The following PCDHGB1 variants were observed in gnomAD, a reference collection of about 807,000 sequenced individuals.
PCDHGB1 encodes the protein protocadherin gamma-B1.
Under a neutral mutation model 56.6 loss-of-function variants are expected in PCDHGB1, and 34 were observed. The ratio of observed to expected loss-of-function variants is 0.60; its 90% confidence interval spans 0.46 to 0.80. The LOEUF (loss-of-function observed/expected upper bound fraction) is 0.80, where lower values mean the gene tolerates loss of function less well. PCDHGB1 is among the 30% of genes least tolerant of loss of function. PCDHGB1 has a pLI of 0.00. For missense variants in PCDHGB1, 1,278 were observed against 1,204.6 expected, an observed-to-expected ratio of 1.06 and a Z score of -0.90; for synonymous variants, 561 against 505.9, an observed-to-expected ratio of 1.11 and a Z score of -1.46.
intron 1 of PCDHGB1, among the ~76,000 whole-genome samples, chr5:141,353,714 T>C (rs1759366304): frequency 6.6e-6 from 1 of 152,272 alleles, no homozygotes; most frequent in Non-Finnish European, 1.5e-5. Flanking sequence ...GTTTCTTTAG[T>C]GTAGATTTCT....
chr5:141,476,357 C>T lies in PCDHGB1; in HGVS notation c.2410-18450C>T. On this transcript the variant is annotated intron_variant, in intron 1 of 3. Transcript: ENST00000523390. The surrounding 1 kb of genome is among the most constrained non-coding windows in gnomAD (Gnocchi z 7.6). ...TAGCCGAAGATTCTTTGAGGTGAAC[C>T]GGGAGACCGGAGAGATGTTTGTGAA... The T allele has an allele frequency of 6.2e-7, 1 of 1,614,052 alleles. No individual in the cohort carries two copies. The highest frequency in any genetic ancestry group is 2.2e-5 in the East Asian group (1 of 44,854).
At chr5:141,422,074 C>A (rs886758924) in intron 1 of PCDHGB1, 1 of 1,612,264 alleles carries the variant, frequency 6.2e-7, no homozygotes, top group African/African-American at 1.3e-5. Flanking sequence ...GTATTCATTT[C>A]GGAACATGGA....
intron 1 of PCDHGB1, chr5:141,375,695 G>A (rs540188136): frequency 3.1e-6 from 5 of 1,614,132 alleles, no homozygotes; most frequent in Middle Eastern, 1.6e-4. Flanking sequence ...CAGCGACAGC[G>A]GGGACCCGCC....
intron 1 of PCDHGB1, among the ~76,000 whole-genome samples, chr5:141,492,622 C>A (rs2099742615): frequency 6.6e-6 from 1 of 152,218 alleles, no homozygotes; most frequent in South Asian, 2.1e-4. Flanking sequence ...GCCGGGCGGG[C>A]AGGACTCTAC....
At chr5:141,394,016 T>C in intron 1 of PCDHGB1, 1 of 1,613,452 alleles carries the variant, frequency 6.2e-7, no homozygotes, top group Non-Finnish European at 8.5e-7. Context: ...TAGGTAATTA[T>C]TATAGATTAG....
Position 141,432,503 on chromosome 5 carries a change from G to A in PCDHGB1, c.2410-62304G>A, listed in dbSNP as rs939325676. On this transcript the variant is annotated intron_variant, in intron 1 of 3. Transcript: ENST00000523390. This position sits in a 1 kb window ranked among gnomAD's most constrained non-coding sequence, Gnocchi z 6.0. ...TGGCGTGGAGCTGGCTCCCCGCTCC[G>A]CAGAGCCCGGCTACCTGGTGACCAA... 5 of 1,613,988 alleles carry A rather than the reference G, an allele frequency of 3.1e-6. No individual in the cohort carries two copies. Among genetic ancestry groups the A allele is most frequent in the Non-Finnish European group, 2.5e-6 (3 of 1,180,038 alleles).
chr5:141,366,652 C>G lies in PCDHGB1; in HGVS notation c.2409+13983C>G, dbSNP rs559344872. The G allele has an allele frequency of 1.9e-6, 3 of 1,614,282 alleles. No individual in the cohort carries two copies. In the African/African-American group the frequency reaches 4.0e-5, roughly 22 times the overall value. ...GTCACCTGATCTTTCCCCAGCCCAA[C>G]TACGCAGACACGCTCCTTAGTGAAG... On this transcript the variant is annotated intron_variant, in intron 1 of 3. Transcript: ENST00000523390.
chr5:141,491,361 C>T lies in PCDHGB1; in HGVS notation c.2410-3446C>T. 1 of 1,614,132 alleles carries T rather than the reference C, an allele frequency of 6.2e-7. No homozygotes were observed. The highest frequency in any genetic ancestry group is 8.5e-7 in the Non-Finnish European group (1 of 1,179,982). ...CGACCGTCAGTCTCTTATCCCTAGT[C>T]ACCTTCACCTTTCTGTCAGCGAAGT... On this transcript the variant is annotated intron_variant, in intron 1 of 3. Transcript: ENST00000523390. The surrounding 1 kb of genome is among the most constrained non-coding windows in gnomAD (Gnocchi z 6.9).
intron 1 of PCDHGB1, chr5:141,471,533 G>C (rs921328911): frequency 1.3e-5 from 2 of 152,234 alleles, no homozygotes. Context: ...AGGAAGCTAT[G>C]ATAGCATTTA....
At chr5:141,448,200 T>C (rs2098574351) in intron 1 of PCDHGB1, among the ~76,000 whole-genome samples, 1 of 152,156 alleles carries the variant, frequency 6.6e-6, no homozygotes, top group Non-Finnish European at 1.5e-5. Context: ...CTTACAAACA[T>C]TTTCTGTGTG....
In PCDHGB1 at chr5:141,355,188, C is replaced by T. The variant is rs779562339; in HGVS notation, c.2409+2519C>T. On this transcript the variant is annotated intron_variant, in intron 1 of 3. Coordinates refer to ENST00000523390, the MANE Select transcript of PCDHGB1 (RefSeq NM_018922.3). ...GAAAACCGAAGCACAGGCGACTCCG[C>T]GGCGGGGTTGTAATGGCGGCGCCTC... 35 of 1,589,838 alleles carry T rather than the reference C, an allele frequency of 2.2e-5. No homozygotes were observed. In the Admixed American group the frequency reaches 2.3e-4, roughly 10 times the overall value.
chr5:141,410,849 CTTTTTTTTT>C (rs759346998), intron 1 of PCDHGB1: 2 of 136,714 alleles, frequency 1.5e-5, no homozygotes, highest in African/African-American at 6.3e-5. Context: ...TTGTCTTTGT[CTTTTTTTTT>C]TTTTTTTTTT....
At chr5:141,478,189 C>T (rs774322691) in intron 1 of PCDHGB1, 1 of 1,614,020 alleles carries the variant, frequency 6.2e-7, no homozygotes, top group South Asian at 1.1e-5. Context: ...AAAATCTCAC[C>T]TTTTATCTAC....
rs1195826961 is a variant in PCDHGB1, at chr5:141,350,170, G to A, written c.-91G>A. The A allele has an allele frequency of 3.2e-6, 4 of 1,240,960 alleles. No individual in the cohort carries two copies. In the African/African-American group the frequency reaches 6.1e-5, roughly 19 times the overall value. The allele number at this position is 1,240,960 out of a possible 1,614,324, so 76.9% of individuals were successfully genotyped here. ...TCACCCTCGAGCGCCTAACTAATAA[G>A]TCCTAAGCTCAAATCACAGAAGTCC... is the stretch of plus-strand genomic sequence containing the variant. On this transcript the variant is annotated 5_prime_UTR_variant, in exon 1 of 4. Coordinates refer to ENST00000523390, the MANE Select transcript of PCDHGB1 (RefSeq NM_018922.3).
intron 2 of PCDHGB1, among the ~76,000 whole-genome samples, chr5:141,504,288 G>GT (rs1175142876): frequency 6.6e-6 from 1 of 152,124 alleles, no homozygotes; most frequent in African/African-American, 2.4e-5. Context: ...ATCATTTCAT[G>GT]TTTTTTCAAC....
intron 3 of PCDHGB1, 79 bp downstream of exon 3, chr5:141,505,560 G>A: frequency 6.2e-7 from 1 of 1,604,768 alleles, no homozygotes; most frequent in South Asian, 1.1e-5. Context: ...CATGCCCACG[G>A]ACTGGATGTC....
Position 141,432,602 on chromosome 5 carries a change from G to A in PCDHGB1, c.2410-62205G>A. The A allele has an allele frequency of 6.2e-7, 1 of 1,613,966 alleles. No homozygotes were observed. Among genetic ancestry groups the A allele is most frequent in the Non-Finnish European group, 8.5e-7 (1 of 1,179,972 alleles). On this transcript the variant is annotated intron_variant, in intron 1 of 3. Transcript: ENST00000523390. This position sits in a 1 kb window ranked among gnomAD's most constrained non-coding sequence, Gnocchi z 6.0. ...CCGTCTGCTCAAGGCCAGCGAGCCG[G>A]GACTCTTCTCGGTGGGTCTGCACAC...
intron 1 of PCDHGB1, among the ~76,000 whole-genome samples, chr5:141,471,120 C>T (rs560582806): frequency 6.7e-6 from 1 of 149,470 alleles, no homozygotes; most frequent in South Asian, 2.1e-4. Context: ...GCGATCTTAC[C>T]TTCACTGCAA....
intron 1 of PCDHGB1, among the ~76,000 whole-genome samples, chr5:141,363,558 AAT>A (rs1421241978): frequency 8.5e-5 from 13 of 152,396 alleles, no homozygotes; most frequent in Non-Finnish European, 1.9e-4. Flanking sequence ...TGAACATGGT[AAT>A]AGAAAAACAT....
Sources: gnomAD v4.1 joint callset for allele counts (sites outside exome capture counted in the v4.1 genomes callset) on GRCh38, gnomAD v4.1.1 for gene constraint, Gnocchi (gnomAD v3.1) non-coding constraint, MANE v1.5 for transcripts, NCBI Gene and HGNC (gene_info 2026-07-23, HGNC 2026-07-21) for gene names.